PCMTD1: variants seen among roughly 807,000 people sequenced by gnomAD.
PCMTD1 encodes protein-L-isoaspartate O-methyltransferase domain-containing protein 1.
Under a neutral mutation model 37.6 loss-of-function variants are expected in PCMTD1, and 12 were observed. The ratio of observed to expected loss-of-function variants is 0.32; its 90% confidence interval spans 0.20 to 0.52. PCMTD1 has a LOEUF of 0.52. PCMTD1 is among the 20% of genes least tolerant of loss of function. The pLI, the probability that PCMTD1 is intolerant of heterozygous loss-of-function variation, is 0.97. For synonymous variants in PCMTD1, 117 were observed against 135.8 expected, an observed-to-expected ratio of 0.86 and a Z score of 0.96; for missense variants, 235 against 421.3, an observed-to-expected ratio of 0.56 and a Z score of 3.87.
intron 5 of PCMTD1, among the ~76,000 whole-genome samples, chr8:51,828,965 TTTCA>T (rs1416533258): frequency 1.3e-5 from 2 of 152,200 alleles, no homozygotes; most frequent in African/African-American, 4.8e-5. Flanking sequence ...TTATTTTACC[TTTCA>T]TTTTCTTGTT....
intron 1 of PCMTD1, among the ~76,000 whole-genome samples, chr8:51,879,619 C>T (rs1432377527): frequency 6.6e-6 from 1 of 152,144 alleles, no homozygotes; most frequent in Non-Finnish European, 1.5e-5. Context: ...CACAAAACAC[C>T]TGCCTCTGAG....
intron 1 of PCMTD1, among the ~76,000 whole-genome samples, chr8:51,873,230 C>A (rs763599307): frequency 1.3e-5 from 2 of 152,226 alleles, no homozygotes; most frequent in Non-Finnish European, 1.5e-5. Context: ...AAAATAAAAA[C>A]AGACTGAGAA....
rs569244216 is a variant in PCMTD1 at position 51,853,094 on chromosome 8, C to G, written c.308-7331G>C. 1.1e-3 allele frequency among the ~76,000 whole-genome samples: 171 copies of G among 152,184 alleles called. 2 individuals carry two copies. Among genetic ancestry groups the G allele is most frequent in the Non-Finnish European group, 5.7e-4 (39 of 68,040 alleles). On this transcript the variant is annotated intron_variant, in intron 2 of 5. Transcript: ENST00000522514. ...GTTACTTGAAGAAAGACGAAAGATT[C>G]ACCCTTCACTACAGGATAAAGCCAA...
intron 3 of PCMTD1, among the ~76,000 whole-genome samples, chr8:51,834,058 T>C (rs778000028): frequency 4.6e-5 from 7 of 152,288 alleles, no homozygotes; most frequent in Non-Finnish European, 7.4e-5. Flanking sequence ...GGCTTCACTT[T>C]GCATTGTCCT....
chr8:51,854,604 C>A (rs1192363138), intron 2 of PCMTD1, among the ~76,000 whole-genome samples: 1 of 152,134 alleles, frequency 6.6e-6, no homozygotes, highest in African/African-American at 2.4e-5. Flanking sequence ...ATGGGCCAGG[C>A]GCAGTGGTTT....
At chr8:51,857,760 C>T (rs2038412880) in intron 2 of PCMTD1, among the ~76,000 whole-genome samples, 1 of 152,172 alleles carries the variant, frequency 6.6e-6, no homozygotes, top group African/African-American at 2.4e-5. Flanking sequence ...TTGATCTATT[C>T]TCCACTTTCT....
chr8:51,850,989 A>C (rs1053137778), intron 2 of PCMTD1, among the ~76,000 whole-genome samples: 1 of 152,246 alleles, frequency 6.6e-6, no homozygotes, highest in African/African-American at 2.4e-5. Flanking sequence ...AAAGGAGGAA[A>C]GCAATCGGCG....
chr8:51,858,143 C>T (rs1320465772), intron 2 of PCMTD1, among the ~76,000 whole-genome samples: 2 of 152,066 alleles, frequency 1.3e-5, no homozygotes, highest in African/African-American at 4.8e-5. Flanking sequence ...CACAGATGCC[C>T]CACTCTCACT....
chr8:51,831,267 G>A (rs998591898), intron 5 of PCMTD1, among the ~76,000 whole-genome samples, 177 bp downstream of exon 5: 3 of 150,056 alleles, frequency 2.0e-5, no homozygotes, highest in Admixed American at 1.3e-4. Flanking sequence ...CACTGCACTC[G>A]AGCCTGGGCA....
chr8:51,886,366 TA>T (rs1188774553), intron 1 of PCMTD1, among the ~76,000 whole-genome samples: 1 of 152,222 alleles, frequency 6.6e-6, no homozygotes, highest in Non-Finnish European at 1.5e-5. Context: ...ACTCTTTAAT[TA>T]CTCCCATTCC....
chr8:51,826,355 A>G (rs1450584836), intron 5 of PCMTD1, among the ~76,000 whole-genome samples: 2 of 151,530 alleles, frequency 1.3e-5, no homozygotes, highest in Non-Finnish European at 2.9e-5. Context: ...TCACCACACC[A>G]GGGCCTGTCA....
intron 1 of PCMTD1, among the ~76,000 whole-genome samples, chr8:51,878,815 A>C (rs2038751488): frequency 6.6e-6 from 1 of 151,432 alleles, no homozygotes; most frequent in African/African-American, 2.4e-5. Flanking sequence ...TGCAGACAGG[A>C]AACAGATGAA....
chr8:51,826,522 AAAAAT>A (rs1362656574), intron 5 of PCMTD1, among the ~76,000 whole-genome samples: 4 of 152,286 alleles, frequency 2.6e-5, no homozygotes, highest in African/African-American at 7.2e-5. Flanking sequence ...AAATATAATA[AAAAAT>A]AAAATAAACT....
At chr8:51,890,089 T>C (rs1283070979) in intron 1 of PCMTD1, among the ~76,000 whole-genome samples, 1 of 142,688 alleles carries the variant, frequency 7.0e-6, no homozygotes, top group Non-Finnish European at 1.6e-5. Flanking sequence ...TTACCTCCCT[T>C]TTCTTTAAAG....
intron 1 of PCMTD1, among the ~76,000 whole-genome samples, chr8:51,875,508 A>C (rs1305167890): frequency 1.3e-5 from 2 of 152,230 alleles, no homozygotes; most frequent in African/African-American, 4.8e-5. Flanking sequence ...GCTACTCCTT[A>C]GAAGGATCAT....
At chr8:51,835,056 T>G (rs1297342351) in intron 3 of PCMTD1, among the ~76,000 whole-genome samples, 1 of 152,182 alleles carries the variant, frequency 6.6e-6, no homozygotes, top group Non-Finnish European at 1.5e-5. Context: ...CGGGGGAATC[T>G]TTATGAGTCT....
chr8:51,872,713 C>G (rs1004632021), intron 1 of PCMTD1, among the ~76,000 whole-genome samples: 4 of 152,070 alleles, frequency 2.6e-5, no homozygotes, highest in Non-Finnish European at 5.9e-5. Context: ...TATTCCAAAG[C>G]AAAAATGCAC....
chr8:51,868,313 TATG>T (rs1298741448), intron 1 of PCMTD1, among the ~76,000 whole-genome samples: 1 of 152,132 alleles, frequency 6.6e-6, no homozygotes, highest in Non-Finnish European at 1.5e-5. Flanking sequence ...AAACCTTATC[TATG>T]ATGACAGAAA....
intron 1 of PCMTD1, among the ~76,000 whole-genome samples, chr8:51,879,407 A>C (rs759582003): frequency 5.9e-5 from 9 of 152,326 alleles, no homozygotes; most frequent in Non-Finnish European, 4.4e-5. Context: ...CTTTAAAGAA[A>C]ATGGTAAATT....
Sources: gnomAD v4.1 joint callset for allele counts (sites outside exome capture counted in the v4.1 genomes callset) on GRCh38, gnomAD v4.1.1 for gene constraint, MANE v1.5 for transcripts, NCBI Gene and HGNC (gene_info 2026-07-23, HGNC 2026-07-21) for gene names.